SNRPA: variants seen among roughly 807,000 people sequenced by gnomAD.
The protein encoded by SNRPA is U1 small nuclear ribonucleoprotein A.
In SNRPA, 10 loss-of-function variants were observed where a neutral mutation model predicts 24.5. The observed-to-expected ratio is 0.41, with a 90% CI of 0.25 to 0.69. The LOEUF is 0.69. SNRPA is among the 30% of genes least tolerant of loss of function. The pLI, the probability that SNRPA is intolerant of heterozygous loss-of-function variation, is 0.33. For synonymous variants in SNRPA, 165 were observed against 148.4 expected (o/e 1.11, Z -0.81); for missense variants, 283 against 394.7 (o/e 0.72, Z 2.40).
chr19:40,759,659 G>A, intron 3 of SNRPA, 49 bp downstream of exon 3: 1 of 1,529,950 alleles, frequency 6.5e-7, no homozygotes, highest in Non-Finnish European at 8.8e-7. Context: ...ACCTTCCTCA[G>A]CCACATGGAC....
At chr19:40,755,217 C>T (rs566311738) in intron 1 of SNRPA, among the ~76,000 whole-genome samples, 1 of 150,146 alleles carries the variant, frequency 6.7e-6, no homozygotes, top group South Asian at 2.1e-4. Context: ...GCTGGGATTA[C>T]AAGCGCCCTC....
rs2082949725 is a variant in SNRPA at position 40,765,349 on chromosome 19, G to T, written c.*182G>T. ...CAGACATTGCACCTGGCGCTGTTAG[G>T]CCGGAATTAAAGTGGCTTTTTGAGG... On this transcript the variant is annotated 3_prime_UTR_variant, in exon 6 of 6. Transcript: ENST00000243563. 1.8e-5 allele frequency: 7 copies of T among 386,060 alleles called. No homozygotes were observed. The highest frequency in any genetic ancestry group is 3.2e-5 in the Non-Finnish European group (7 of 217,540). 23.9% of individuals were successfully genotyped at this position (386,060 alleles called of 1,614,324 possible).
chr19:40,751,501 C>T lies in SNRPA; in HGVS notation c.73+20C>T, dbSNP rs556550378. ...AGGATGGTGAGTTCTCGGGATAGTC[C>T]GGAGTCCAGACTGTCCCGCACGGGC... On this transcript the variant is annotated intron_variant, in intron 1 of 5. Coordinates refer to ENST00000243563, the MANE Select transcript of SNRPA (RefSeq NM_004596.5). The T allele has an allele frequency of 1.8e-5, 29 of 1,573,650 alleles. No individual in the cohort carries two copies. The East Asian group carries it at 4.3e-4, about 23-fold the overall frequency.
chr19:40,757,406 A>G lies in SNRPA; in HGVS notation c.148A>G (p.Lys50Glu). Residue 50 changes from lysine (K) to glutamate (E), a missense_variant, in exon 2 of 6, where the codon AAG becomes GAG. Transcript: ENST00000243563. ...ILDILVSRSL[K>E]MRGQAFVIFK... ...GGATATCCTGGTATCACGGAGCCTG[A>G]AGATGAGGGGCCAGGCCTTTGTCAT... 1 of 1,614,178 alleles carries G rather than the reference A, an allele frequency of 6.2e-7. No individual in the cohort carries two copies. Among genetic ancestry groups the G allele is most frequent in the Non-Finnish European group, 8.5e-7 (1 of 1,180,012 alleles).
intron 3 of SNRPA, 39 bp downstream of exon 3, chr19:40,759,649 A>C (rs1599728591): frequency 6.4e-7 from 1 of 1,554,704 alleles, no homozygotes; most frequent in East Asian, 2.3e-5. Context: ...CCACTGCCAG[A>C]CCTTCCTCAG....
chr19:40,764,539 G>A (rs1372600084), intron 5 of SNRPA, among the ~76,000 whole-genome samples: 1 of 152,112 alleles, frequency 6.6e-6, no homozygotes, highest in East Asian at 1.9e-4. Context: ...AGAAAAGTGA[G>A]GGTAAGGCCG....
In SNRPA at chr19:40,758,332, G is replaced by A. The variant is rs550320346; in HGVS notation, c.246+828G>A. Among the ~76,000 whole-genome samples, 204 of 152,210 alleles carry A rather than the reference G, an allele frequency of 1.3e-3. 3 individuals are homozygous for A. The highest frequency in any genetic ancestry group is 4.7e-3 in the African/African-American group (197 of 41,548). ...TGAAAGAGGGGTTTTTGTCTATTTT[G>A]TTCATTGCTTTATTCCCAGAGCCTT... On this transcript the variant is annotated intron_variant, in intron 2 of 5. Transcript: ENST00000243563.
At chr19:40,758,092 G>T (rs923119780) in intron 2 of SNRPA, among the ~76,000 whole-genome samples, 1 of 151,646 alleles carries the variant, frequency 6.6e-6, no homozygotes, top group Non-Finnish European at 1.5e-5. Context: ...TCAGCCTCCT[G>T]AGTAGCTGGG....
intron 3 of SNRPA, 56 bp downstream of exon 3, chr19:40,759,666 G>A: frequency 6.6e-7 from 1 of 1,508,868 alleles, no homozygotes. Flanking sequence ...TCAGCCACAT[G>A]GACTGGCTTT....
At position 40,760,170 on chromosome 19, in the gene SNRPA, G is replaced by A. The variant is rs201011105; in HGVS notation, c.426+560G>A. ...CCCTAGCAGCTGGAACTGTCAGTCC[G>A]TGCCACTCCACCCAGCTAACTTTTG... On this transcript the variant is annotated intron_variant, in intron 3 of 5. Coordinates refer to ENST00000243563, the MANE Select transcript of SNRPA (RefSeq NM_004596.5). 3.3e-5 allele frequency among the ~76,000 whole-genome samples: 5 copies of A among 152,160 alleles called. No homozygotes were observed. In the South Asian group the frequency reaches 8.3e-4, roughly 25 times the overall value.
At chr19:40,762,793 T>C (rs1232801399) in intron 3 of SNRPA, 108 bp from the exon 4 acceptor site, 8 of 1,208,484 alleles carry the variant, frequency 6.6e-6, no homozygotes, top group African/African-American at 1.5e-5. Flanking sequence ...TTGCGCCTCT[T>C]TCTGGGTGTT....
At chr19:40,754,714 G>A (rs538922434) in intron 1 of SNRPA, among the ~76,000 whole-genome samples, 2 of 152,308 alleles carry the variant, frequency 1.3e-5, no homozygotes, top group East Asian at 3.9e-4. Context: ...AGTGAGCTGT[G>A]CACTGGTGGC....
At chr19:40,761,663 C>T (rs2082933474) in intron 3 of SNRPA, among the ~76,000 whole-genome samples, 2 of 151,680 alleles carry the variant, frequency 1.3e-5, no homozygotes, top group Non-Finnish European at 2.9e-5. Flanking sequence ...GATGGGGTTT[C>T]ACCATGTTGG....
intron 2 of SNRPA, among the ~76,000 whole-genome samples, chr19:40,758,365 G>T (rs923214607): frequency 6.6e-6 from 1 of 152,118 alleles, no homozygotes; most frequent in Non-Finnish European, 1.5e-5. Flanking sequence ...CTTGAATGGC[G>T]CCTGGCATCT....
intron 1 of SNRPA, among the ~76,000 whole-genome samples, chr19:40,752,300 G>T (rs2082880049): frequency 6.6e-6 from 1 of 151,138 alleles, no homozygotes; most frequent in Non-Finnish European, 1.5e-5. Context: ...TTGCGCCATT[G>T]AACTACAGCC....
chr19:40,757,078 G>A, intron 1 of SNRPA: 2 of 474,016 alleles, frequency 4.2e-6, no homozygotes, highest in African/African-American at 4.0e-5. Context: ...CGTGCCGGAT[G>A]CTGTCCTGAG....
At position 40,759,600 on chromosome 19, in the gene SNRPA, G is replaced by GTAA. The variant is rs2082923137; in HGVS notation, c.416_417insTAA (p.Gly139_Pro140insLys). The GTAA allele has an allele frequency of 6.2e-7, 1 of 1,602,720 alleles. No individual in the cohort carries two copies. The highest frequency in any genetic ancestry group is 8.5e-7 in the Non-Finnish European group (1 of 1,176,312). On this transcript the variant is annotated inframe_insertion, in exon 3 of 6. Coordinates refer to ENST00000243563, the MANE Select transcript of SNRPA (RefSeq NM_004596.5). ...ACCCCCGTGGTGGGGGCTGTCCAGGGGCCTGTCCCGGTAAGCCAGGTCCCG... is the reference window on the plus strand; with the variant it reads ...ACCCCCGTGGTGGGGGCTGTCCAGGGTAAGCCTGTCCCGGTAAGCCAGGTCCCG...
chr19:40,759,742 A>T (rs1014068090), intron 3 of SNRPA, 132 bp downstream of exon 3: 12 of 775,014 alleles, frequency 1.5e-5, no homozygotes, highest in Middle Eastern at 7.8e-4. Context: ...CTTTATAGAG[A>T]TGTGTTTCTC....
intron 1 of SNRPA, 110 bp from the exon 2 acceptor site, chr19:40,757,222 T>G (rs903107193): frequency 9.9e-7 from 1 of 1,011,786 alleles, no homozygotes; most frequent in African/African-American, 1.6e-5. Context: ...CTTGAGAGAT[T>G]ATGGACCCGA....
Sources: gnomAD v4.1 joint callset for allele counts (sites outside exome capture counted in the v4.1 genomes callset) on GRCh38, gnomAD v4.1.1 for gene constraint, MANE v1.5 for transcripts, NCBI Gene and HGNC (gene_info 2026-07-23, HGNC 2026-07-21) for gene names.